PCDH9: variants seen among roughly 807,000 people sequenced by gnomAD.
The protein encoded by PCDH9 is protocadherin 9, also known as protocadherin-9.
Under a neutral mutation model 70.6 loss-of-function variants are expected in PCDH9, and 24 were observed. The observed-to-expected ratio is 0.34, with a 90% CI of 0.25 to 0.48. PCDH9 has a LOEUF of 0.48. PCDH9 is among the 20% of genes least tolerant of loss of function. PCDH9 has a pLI of 0.99. For missense variants in PCDH9, 1,281 were observed against 1,503.6 expected, an observed-to-expected ratio of 0.85 and a Z score of 2.45; for synonymous variants, 562 against 558.5, an observed-to-expected ratio of 1.01 and a Z score of -0.09.
intron 4 of PCDH9, among the ~76,000 whole-genome samples, chr13:66,372,935 C>A (rs1956683670): frequency 6.6e-6 from 1 of 151,892 alleles, no homozygotes; most frequent in Admixed American, 6.6e-5. Flanking sequence ...AAACAAAAAA[C>A]TAAATAAACT....
intron 3 of PCDH9, among the ~76,000 whole-genome samples, chr13:66,886,993 G>A (rs1423192433): frequency 6.7e-6 from 1 of 149,344 alleles, no homozygotes; most frequent in Non-Finnish European, 1.5e-5. Flanking sequence ...CTATTCTATT[G>A]TGTTCTCTCT....
chr13:66,404,161 C>A (rs1957238248), intron 4 of PCDH9, among the ~76,000 whole-genome samples: 1 of 152,120 alleles, frequency 6.6e-6, no homozygotes, highest in Non-Finnish European at 1.5e-5. Context: ...TCAATTTTAT[C>A]TCTTAGAAAG....
intron 4 of PCDH9, among the ~76,000 whole-genome samples, chr13:66,414,020 CT>C (rs561971959): frequency 1.8e-4 from 27 of 151,158 alleles, no homozygotes; most frequent in African/African-American, 4.6e-4. Context: ...AGAAAAGGGG[CT>C]TTTTTTTCAT....
intron 2 of PCDH9, among the ~76,000 whole-genome samples, chr13:67,163,444 A>G (rs970894890): frequency 6.6e-6 from 1 of 152,232 alleles, no homozygotes; most frequent in Non-Finnish European, 1.5e-5. Flanking sequence ...TAACTTTACT[A>G]TCTTAAGTTT....
At chr13:66,706,478 G>T (rs888243614) in intron 3 of PCDH9, among the ~76,000 whole-genome samples, 1 of 152,202 alleles carries the variant, frequency 6.6e-6, no homozygotes, top group African/African-American at 2.4e-5. Context: ...ACTGAGGCAG[G>T]TGAAGTGATT....
intron 3 of PCDH9, among the ~76,000 whole-genome samples, chr13:66,761,239 A>G (rs972173467): frequency 4.6e-5 from 7 of 152,196 alleles, no homozygotes; most frequent in Non-Finnish European, 1.0e-4. Context: ...CACCCCCGGA[A>G]ACCCAGCTGT....
chr13:67,033,739 G>A (rs973432626), intron 2 of PCDH9, among the ~76,000 whole-genome samples: 11 of 152,146 alleles, frequency 7.2e-5, no homozygotes, highest in Non-Finnish European at 1.6e-4. Flanking sequence ...CTTATTAAGT[G>A]TCTTTAACGC....
chr13:67,187,141 C>T (rs1318248320), intron 2 of PCDH9, among the ~76,000 whole-genome samples: 2 of 152,182 alleles, frequency 1.3e-5, no homozygotes, highest in African/African-American at 4.8e-5. Flanking sequence ...ACATGATGGT[C>T]ATGCTGTTCC....
intron 2 of PCDH9, among the ~76,000 whole-genome samples, chr13:66,924,903 G>A (rs1432652563): frequency 2.0e-5 from 3 of 151,656 alleles, no homozygotes; most frequent in Non-Finnish European, 1.5e-5. Flanking sequence ...AACACTGGAA[G>A]GCAGAATATA....
At chr13:66,827,159 G>A (rs184518462) in intron 3 of PCDH9, among the ~76,000 whole-genome samples, 30 of 152,142 alleles carry the variant, frequency 2.0e-4, no homozygotes, top group African/African-American at 7.0e-4. Flanking sequence ...AAGGATGCAG[G>A]AAGCAAGAAA....
intron 3 of PCDH9, among the ~76,000 whole-genome samples, chr13:66,645,287 A>G (rs915607206): frequency 6.6e-6 from 1 of 152,144 alleles, no homozygotes; most frequent in Non-Finnish European, 1.5e-5. Context: ...TCACCCATGC[A>G]TATAATCTCC....
chr13:67,038,562 C>A (rs939111489), intron 2 of PCDH9, among the ~76,000 whole-genome samples: 2 of 152,060 alleles, frequency 1.3e-5, no homozygotes, highest in African/African-American at 4.8e-5. Flanking sequence ...GATGCACATA[C>A]CCTAAATCTA....
At chr13:66,545,336 T>C (rs971293956) in intron 4 of PCDH9, among the ~76,000 whole-genome samples, 4 of 152,224 alleles carry the variant, frequency 2.6e-5, no homozygotes, top group Admixed American at 2.6e-4. Context: ...AGGTTTTTAT[T>C]CTCTATTAAA....
intron 3 of PCDH9, among the ~76,000 whole-genome samples, chr13:66,689,981 T>A (rs760442551): frequency 1.1e-4 from 17 of 152,210 alleles, no homozygotes; most frequent in Non-Finnish European, 2.1e-4. Context: ...CTTTGAAAAT[T>A]AAATACAGCT....
intron 2 of PCDH9, among the ~76,000 whole-genome samples, chr13:67,169,493 G>T (rs1192892070): frequency 6.6e-6 from 1 of 152,070 alleles, no homozygotes; most frequent in Admixed American, 6.6e-5. Context: ...ATGTCTTTTG[G>T]CCTCTGTTAG....
At chr13:66,602,904 A>G (rs1285209210) in intron 4 of PCDH9, among the ~76,000 whole-genome samples, 2 of 145,658 alleles carry the variant, frequency 1.4e-5, no homozygotes, top group African/African-American at 5.0e-5. Context: ...GATATACAGT[A>G]TTGTGTTATA....
At chr13:66,952,328 A>G (rs568586320) in intron 2 of PCDH9, among the ~76,000 whole-genome samples, 2 of 152,206 alleles carry the variant, frequency 1.3e-5, no homozygotes, top group Non-Finnish European at 2.9e-5. Context: ...TCAAGCTGAC[A>G]TTCTCCACTA....
intron 3 of PCDH9, among the ~76,000 whole-genome samples, chr13:66,693,683 A>G (rs1355528570): frequency 1.3e-5 from 2 of 152,190 alleles, no homozygotes; most frequent in Non-Finnish European, 2.9e-5. Context: ...TCCCAATTGT[A>G]TACAGAATGG....
At chr13:66,507,321 T>C (rs938832113) in intron 4 of PCDH9, among the ~76,000 whole-genome samples, 1 of 152,218 alleles carries the variant, frequency 6.6e-6, no homozygotes, top group Non-Finnish European at 1.5e-5. Context: ...AAATACATTT[T>C]TTCTTCATTT....
Sources: allele counts gnomAD v4.1 joint callset (sites outside exome capture counted in the v4.1 genomes callset), GRCh38; gene constraint gnomAD v4.1.1; transcripts MANE v1.5; gene names NCBI Gene and HGNC (gene_info 2026-07-23, HGNC 2026-07-21).